RYR1: variants seen among roughly 807,000 people sequenced by gnomAD.
RYR1 encodes ryanodine receptor 1.
In RYR1, 342 loss-of-function variants were observed where a neutral mutation model predicts 583.5. The ratio of observed to expected loss-of-function variants is 0.59; its 90% CI spans 0.54 to 0.64. RYR1 has a LOEUF of 0.64. Among genes scored for constraint, RYR1 ranks in the 30% least tolerant of loss-of-function variants. The probability of loss-of-function intolerance (pLI) is 0.00; values close to 1 mark genes in which losing one functional copy is unlikely to be tolerated. For missense variants in RYR1, 6,032 were observed against 6,917.2 expected (o/e 0.87, Z 4.54); for synonymous variants, 2,791 against 2,822.5 (o/e 0.99, Z 0.35).
rs1970055840 is a variant in RYR1 at position 38,500,444 on chromosome 19, G to GT, written c.7324-161dup. ...AACAAGGAGAGAGGTCGGGACTGGG[G>GT]TGGGGGGGCACAGGCAGAGGAACGA... On this transcript the variant is annotated intron_variant, in intron 45 of 105. Transcript: ENST00000359596. This position sits in a 1 kb window ranked among gnomAD's most constrained non-coding sequence, Gnocchi z 5.9. Among the ~76,000 whole-genome samples, 1 of 149,576 alleles carries GT rather than the reference G, an allele frequency of 6.7e-6. No individual in the cohort carries two copies. The highest frequency in any genetic ancestry group is 1.5e-5 in the Non-Finnish European group (1 of 67,348).
Position 38,575,964 on chromosome 19 carries a change from G to A in RYR1, c.14172+3G>A. 1 of 1,614,218 alleles carries A rather than the reference G, an allele frequency of 6.2e-7. No individual in the cohort carries two copies. The highest frequency in any genetic ancestry group is 2.2e-5 in the East Asian group (1 of 44,886). On this transcript the variant is annotated splice_donor_region_variant and intron_variant, in intron 97 of 105. Coordinates refer to ENST00000359596, the MANE Select transcript of RYR1 (RefSeq NM_000540.3). ...GGGACAAGTTTGTCAAGCGCAAGGT[G>A]AGAGGACATGGATGCCCTGGGTCCT... is the stretch of plus-strand genomic sequence containing the variant.
chr19:38,499,582 G>A lies in RYR1; in HGVS notation c.7028-53G>A. ...GGTGTTGGGTCCTGGGGCTGCATGG[G>A]GAGGTCTCTGATGGTGGCTCATGAG... On this transcript the variant is annotated intron_variant, in intron 43 of 105. Coordinates refer to ENST00000359596, the MANE Select transcript of RYR1 (RefSeq NM_000540.3). This position sits in a 1 kb window ranked among gnomAD's most constrained non-coding sequence, Gnocchi z 7.3. The A allele has an allele frequency of 1.3e-6, 2 of 1,583,274 alleles. No individual in the cohort carries two copies. Among genetic ancestry groups the A allele is most frequent in the Non-Finnish European group, 8.6e-7 (1 of 1,169,586 alleles).
intron 31 of RYR1, among the ~76,000 whole-genome samples, chr19:38,482,077 G>A (rs1380956161): frequency 6.6e-6 from 1 of 152,024 alleles, no homozygotes; most frequent in African/African-American, 2.4e-5. Context: ...ATGACAGAGT[G>A]AGACGTCATC....
At chr19:38,442,822 G>A (rs1972759641) in intron 3 of RYR1, among the ~76,000 whole-genome samples, 1 of 152,148 alleles carries the variant, frequency 6.6e-6, no homozygotes, top group African/African-American at 2.4e-5. Context: ...CCCGACGCCT[G>A]CTCCTTTCTC....
At chr19:38,526,343 C>G (rs902784691) in intron 71 of RYR1, among the ~76,000 whole-genome samples, 2 of 151,886 alleles carry the variant, frequency 1.3e-5, no homozygotes, top group Admixed American at 6.6e-5. Flanking sequence ...AGCCCTCCCC[C>G]CAGGACCACA....
rs749905161 is a variant in RYR1, at chr19:38,525,648, C to T, written c.10626+146C>T. 8.1e-5 allele frequency: 75 copies of T among 924,150 alleles called. 1 individual carries two copies. The highest frequency in any genetic ancestry group is 3.2e-4 in the Middle Eastern group (1 of 3,172). The allele number at this position is 924,150 out of a possible 1,614,324, so 57.2% of individuals were successfully genotyped here. A position where few individuals can be genotyped will look rare whatever the true frequency, so the allele number is the denominator to read the frequency against. On this transcript the variant is annotated intron_variant, in intron 71 of 105. Coordinates refer to ENST00000359596, the MANE Select transcript of RYR1 (RefSeq NM_000540.3). ...CTTCAGACCCCACTGAGTTCTTTTC[C>T]GGGATGCTGAGGACTCACTGTGCCC...
rs1371692386 is a variant in RYR1, at chr19:38,446,457, C to T, written c.632-15C>T. Reference sequence around the variant, plus strand: ...TCCAGCCTCCCATTGACCAACTTCCCTTGCTCCTCTCCAGGCTTCGTGACG... The same window carrying T: ...TCCAGCCTCCCATTGACCAACTTCCTTTGCTCCTCTCCAGGCTTCGTGACG... On this transcript the variant is annotated splice_polypyrimidine_tract_variant and intron_variant, in intron 7 of 105. Coordinates refer to ENST00000359596, the MANE Select transcript of RYR1 (RefSeq NM_000540.3). 1.9e-6 allele frequency: 3 copies of T among 1,607,516 alleles called. No homozygotes were observed. The highest frequency in any genetic ancestry group is 2.2e-5 in the East Asian group (1 of 44,868).
chr19:38,443,266 T>A (rs556388474), intron 3 of RYR1, among the ~76,000 whole-genome samples: 4 of 152,130 alleles, frequency 2.6e-5, no homozygotes, highest in Non-Finnish European at 5.9e-5. Flanking sequence ...GACGGGTTCA[T>A]TCTCCTGAGT....
chr19:38,587,156 A>G (rs1974529784), intron 105 of RYR1, among the ~76,000 whole-genome samples, 169 bp from the exon 106 acceptor site: 1 of 151,952 alleles, frequency 6.6e-6, no homozygotes, highest in South Asian at 2.1e-4. Flanking sequence ...GCTACTCTGG[A>G]GACTGAGGTG....
chr19:38,437,059 T>G (rs981499825), intron 1 of RYR1, among the ~76,000 whole-genome samples: 12 of 147,286 alleles, frequency 8.1e-5, no homozygotes, highest in African/African-American at 3.1e-4. Context: ...TTTCTTTTTC[T>G]TTTTTTTTTA....
In RYR1 at chr19:38,528,652, C is replaced by G. The variant is rs969320849; in HGVS notation, c.10991C>G (p.Thr3664Ser). The change falls in exon 75 of 106, where the codon ACT (threonine) becomes AGT (serine). Residue 3664 changes from threonine (T) to serine (S), a missense_variant. Coordinates refer to ENST00000359596, the MANE Select transcript of RYR1 (RefSeq NM_000540.3). ...LESYKAAWILTEDHSFEDRMI... is the reference protein window; with the variant it reads ...LESYKAAWILSEDHSFEDRMI... ...AGCTACAAGGCTGCATGGATCCTGA[C>G]TGAAGACCACAGTTTTGAGGACCGC... 1 of 1,614,082 alleles carries G rather than the reference C, an allele frequency of 6.2e-7. No individual in the cohort carries two copies. The highest frequency in any genetic ancestry group is 1.3e-5 in the African/African-American group (1 of 74,924).
At chr19:38,470,069 G>A (rs1045828240) in intron 27 of RYR1, among the ~76,000 whole-genome samples, 1 of 151,976 alleles carries the variant, frequency 6.6e-6, no homozygotes, top group Non-Finnish European at 1.5e-5. Flanking sequence ...AGGGGGCTGA[G>A]GCAGGAGACT....
intron 50 of RYR1, among the ~76,000 whole-genome samples, 179 bp from the exon 51 acceptor site, chr19:38,504,569 A>T (rs931501056): frequency 6.6e-6 from 1 of 152,016 alleles, no homozygotes; most frequent in South Asian, 2.1e-4. Context: ...GGAGAGGGCA[A>T]TATGGGGATG....
At position 38,466,980 on chromosome 19, in the gene RYR1, AC is replaced by A. The variant is rs574554146; in HGVS notation, c.3178+585del. Reference sequence around the variant, plus strand: ...GCAAACCAGAGCCGTCAGCCTAGGAACCCAATGAGTGCCAACCCCACCTTTG... The same window carrying A: ...GCAAACCAGAGCCGTCAGCCTAGGAACCAATGAGTGCCAACCCCACCTTTG... On this transcript the variant is annotated intron_variant, in intron 24 of 105. Coordinates refer to ENST00000359596, the MANE Select transcript of RYR1 (RefSeq NM_000540.3). Among the ~76,000 whole-genome samples, 11 of 152,116 alleles carry A rather than the reference AC, an allele frequency of 7.2e-5. No individual in the cohort carries two copies. The East Asian group carries it at 2.1e-3, about 29-fold the overall frequency.
intron 63 of RYR1, 90 bp from the exon 64 acceptor site, chr19:38,514,936 C>G (rs1314539165): frequency 1.2e-6 from 1 of 846,714 alleles, no homozygotes; most frequent in East Asian, 2.5e-5. Flanking sequence ...CTCTTCCCCA[C>G]TGCATGGGCC....
chr19:38,489,995 G>T (rs1232482792), intron 35 of RYR1, 81 bp from the exon 36 acceptor site: 2 of 1,434,750 alleles, frequency 1.4e-6, no homozygotes, highest in Non-Finnish European at 2.0e-6. Context: ...CATGGAGAGG[G>T]GAGAGGAAGC....
intron 89 of RYR1, among the ~76,000 whole-genome samples, chr19:38,552,543 G>A (rs913279706): frequency 2.6e-5 from 4 of 152,128 alleles, no homozygotes; most frequent in African/African-American, 7.2e-5. Context: ...GAGCCACCGC[G>A]CCTGGCCAGG....
In RYR1 at chr19:38,515,049, T is replaced by C. The variant is rs766011054; in HGVS notation, c.9496T>C (p.Tyr3166His). 4 of 1,613,318 alleles carry C rather than the reference T, an allele frequency of 2.5e-6. No homozygotes were observed. The South Asian group carries it at 4.4e-5, about 18-fold the overall frequency. ...VILDDVQVSCYRTLCSIYSLG... is the reference protein window; with the variant it reads ...VILDDVQVSCHRTLCSIYSLG... The stretch of plus-strand genomic sequence containing the variant: ...AGTGGACGACGTCCAGGTCTCTTGC[T>C]ACCGAACGCTGTGCAGTATCTACTC... Residue 3166 changes from tyrosine to histidine, a missense_variant, in exon 64 of 106, where the codon TAC becomes CAC. Tyr to His is a moderately conservative substitution (Grantham distance 83). Transcript: ENST00000359596.
Position 38,458,097 on chromosome 19 carries a change from T to C in RYR1, c.1972T>C (p.Tyr658His), listed in dbSNP as rs1224165095. The part of the protein sequence containing the change: ...FVGRAEGTTQ[Y>H]SKWYFEVMVD... ...GGGCCGAGCGGAAGGCACCACGCAG[T>C]ACAGCAAATGGTACTTTGAGGTGAT... is the stretch of plus-strand genomic sequence containing the variant. The change falls in exon 18 of 106, where the codon TAC becomes CAC. Residue 658 changes from tyrosine (Y) to histidine (H), a missense_variant. Tyr to His is a moderately conservative substitution (Grantham distance 83). This residue lies in a region of RYR1 where 2,627 missense variants were observed against 2,961.3 expected (regional missense o/e 0.89). Transcript: ENST00000359596. The C allele has an allele frequency of 6.2e-7, 1 of 1,613,960 alleles. No individual in the cohort carries two copies. Among genetic ancestry groups the C allele is most frequent in the Non-Finnish European group, 8.5e-7 (1 of 1,180,026 alleles).
Sources: allele counts gnomAD v4.1 joint callset (sites outside exome capture counted in the v4.1 genomes callset), GRCh38; gene constraint gnomAD v4.1.1; regional missense constraint gnomAD v4.1.1; non-coding constraint Gnocchi (gnomAD v3.1); transcripts MANE v1.5; gene names NCBI Gene and HGNC (gene_info 2026-07-23, HGNC 2026-07-21).